The following EPHB2 variants were observed in gnomAD, a reference collection of about 807,000 sequenced individuals.
The protein encoded by EPHB2 is ephrin type-B receptor 2.
In EPHB2, 18 loss-of-function variants were observed where a neutral mutation model predicts 96.4. The ratio of observed to expected loss-of-function variants is 0.19; its 90% CI spans 0.13 to 0.28. The LOEUF (loss-of-function observed/expected upper bound fraction) is 0.28. Ranked by LOEUF, EPHB2 falls within the 10% of genes least tolerant of loss-of-function variation. EPHB2 has a pLI of 1.00. For synonymous variants in EPHB2, 506 were observed against 534.1 expected (o/e 0.95, Z 0.72); for missense variants, 989 against 1,355.4 (o/e 0.73, Z 4.25).
rs916713865 is a variant in EPHB2, at chr1:22,720,660, TCCCCCCCC to T, written c.61+9623_61+9630del. Among the ~76,000 whole-genome samples the T allele has an allele frequency of 1.7e-4, 10 of 57,380 alleles. 1 individual carries two copies. The highest frequency in any genetic ancestry group is 3.4e-4 in the Non-Finnish European group (10 of 29,550). 37.6% of individuals were successfully genotyped at this position (57,380 alleles called of 152,430 possible). On this transcript the variant is annotated intron_variant, in intron 1 of 15. Coordinates refer to ENST00000374630, the MANE Select transcript of EPHB2 (RefSeq NM_017449.5). Reference sequence around the variant, plus strand: ...GGCAACAGGAAGCCAGAAATCTCATTCCCCCCCCCCCCCGCCCCAGCACTTACCCCCGA... The same window carrying T: ...GGCAACAGGAAGCCAGAAATCTCATTCCCCCGCCCCAGCACTTACCCCCGA...
chr1:22,857,067 G>T (rs1406463071), intron 3 of EPHB2, among the ~76,000 whole-genome samples: 1 of 152,142 alleles, frequency 6.6e-6, no homozygotes. Flanking sequence ...CCCAACCAAG[G>T]TTCACCAACC....
In EPHB2 at chr1:22,831,098, G is replaced by A. The variant is rs553184889; in HGVS notation, c.812-31939G>A. On this transcript the variant is annotated intron_variant, in intron 3 of 15. Coordinates refer to ENST00000374630, the MANE Select transcript of EPHB2 (RefSeq NM_017449.5). Reference sequence around the variant, plus strand: ...ATGCCAGGCAGGCAGTAAACCCAGGGGCTCCCCAGATCAACCCAGCAGTAC... The same window carrying A: ...ATGCCAGGCAGGCAGTAAACCCAGGAGCTCCCCAGATCAACCCAGCAGTAC... 1.6e-4 allele frequency among the ~76,000 whole-genome samples: 25 copies of A among 152,162 alleles called. 1 individual carries two copies. Among genetic ancestry groups the A allele is most frequent in the Admixed American group, 5.2e-4 (8 of 15,282 alleles).
chr1:22,722,584 C>T (rs2148341043), intron 1 of EPHB2, among the ~76,000 whole-genome samples: 1 of 152,286 alleles, frequency 6.6e-6, no homozygotes, highest in East Asian at 1.9e-4. Context: ...CTGCATGATC[C>T]CTGTTTTCCA....
intron 1 of EPHB2, chr1:22,775,286 T>G: frequency 1.3e-6 from 1 of 779,198 alleles, no homozygotes; most frequent in Non-Finnish European, 2.4e-6. Flanking sequence ...GTCTGTGAAA[T>G]GGGGTTAATA....
Position 22,913,793 on chromosome 1 carries a change from A to G in EPHB2, c.*223A>G. The G allele has an allele frequency of 6.2e-7, 1 of 1,605,248 alleles. No individual in the cohort carries two copies. Among genetic ancestry groups the G allele is most frequent in the Non-Finnish European group, 8.5e-7 (1 of 1,173,876 alleles). On this transcript the variant is annotated 3_prime_UTR_variant, in exon 16 of 16. Transcript: ENST00000374630. This position sits in a 1 kb window ranked among gnomAD's most constrained non-coding sequence, Gnocchi z 4.1. ...GGGAAAAAAGAAAACAGATCCTGGG[A>G]GGGGGCGGGAAATACAAGGAATATT...
chr1:22,885,629 C>A (rs892839199), intron 6 of EPHB2, among the ~76,000 whole-genome samples: 8 of 152,340 alleles, frequency 5.3e-5, no homozygotes, highest in South Asian at 4.1e-4. Context: ...CCAAGAGGAT[C>A]CAGCAAGGAT....
chr1:22,857,597 A>G (rs913365678), intron 3 of EPHB2, among the ~76,000 whole-genome samples: 8 of 152,140 alleles, frequency 5.3e-5, no homozygotes, highest in Middle Eastern at 3.4e-3. Flanking sequence ...GCAGTTTGAA[A>G]ACCGAGATGC....
intron 3 of EPHB2, among the ~76,000 whole-genome samples, chr1:22,841,979 C>T (rs556039776): frequency 2.0e-5 from 3 of 152,240 alleles, no homozygotes; most frequent in South Asian, 2.1e-4. Context: ...TGCCAGGAGC[C>T]GGGCAAGATC....
rs150048020 is a variant in EPHB2, at chr1:22,856,327, C to A, written c.812-6710C>A. On this transcript the variant is annotated intron_variant, in intron 3 of 15. Coordinates refer to ENST00000374630, the MANE Select transcript of EPHB2 (RefSeq NM_017449.5). ...GCCCAGGGGCAGGCGGGGAGAAAAT[C>A]TGTTTCCCTGTAATCCTCCCTCCTT... is the stretch of plus-strand genomic sequence containing the variant. Among the ~76,000 whole-genome samples, 29 of 152,328 alleles carry A rather than the reference C, an allele frequency of 1.9e-4. No individual in the cohort carries two copies. In the East Asian group the frequency reaches 5.0e-3, roughly 26 times the overall value.
intron 3 of EPHB2, among the ~76,000 whole-genome samples, chr1:22,827,195 G>A (rs1017004810): frequency 1.3e-5 from 2 of 152,204 alleles, no homozygotes; most frequent in African/African-American, 4.8e-5. Context: ...CAGGCCACCT[G>A]CAGAGAGCCC....
At chr1:22,892,778 T>G in intron 6 of EPHB2, 106 bp from the exon 7 acceptor site, 1 of 1,388,956 alleles carries the variant, frequency 7.2e-7, no homozygotes. Flanking sequence ...ACCATAGATG[T>G]TTATCCAATG....
At chr1:22,908,209 G>A (rs964812407) in intron 12 of EPHB2, 41 bp downstream of exon 12, 2 of 1,610,686 alleles carry the variant, frequency 1.2e-6, no homozygotes, top group Non-Finnish European at 1.7e-6. Flanking sequence ...CAGAGCCAGA[G>A]AAGAGGGCAT....
intron 1 of EPHB2, among the ~76,000 whole-genome samples, chr1:22,726,937 AG>A (rs1643594919): frequency 6.6e-6 from 1 of 152,174 alleles, no homozygotes; most frequent in South Asian, 2.1e-4. Flanking sequence ...CATTCTTAGC[AG>A]GGGGAACAGC....
chr1:22,849,809 T>TC (rs1386428700), intron 3 of EPHB2, among the ~76,000 whole-genome samples: 1 of 152,138 alleles, frequency 6.6e-6, no homozygotes, highest in Non-Finnish European at 1.5e-5. Flanking sequence ...TGTCACTTTC[T>TC]CCACTGGCCT....
In EPHB2 at chr1:22,914,069, G is replaced by A; in HGVS notation, c.*499G>A. 1.5e-6 allele frequency: 1 copy of A among 658,886 alleles called. No individual in the cohort carries two copies. The highest frequency in any genetic ancestry group is 2.9e-5 in the East Asian group (1 of 34,564). 40.8% of individuals were successfully genotyped at this position (658,886 alleles called of 1,614,324 possible). ...CTCACTCAACAACCAAGCGCCTGGA[G>A]GACGGGACAGATGGACAGACAGCCA... On this transcript the variant is annotated 3_prime_UTR_variant, in exon 16 of 16. Coordinates refer to ENST00000374630, the MANE Select transcript of EPHB2 (RefSeq NM_017449.5).
intron 1 of EPHB2, among the ~76,000 whole-genome samples, chr1:22,748,663 A>C (rs1644013260): frequency 6.6e-6 from 1 of 151,662 alleles, no homozygotes; most frequent in Admixed American, 6.6e-5. Context: ...TACAGGCGTG[A>C]GCCACTGCGC....
intron 3 of EPHB2, among the ~76,000 whole-genome samples, chr1:22,844,116 A>G (rs1466787043): frequency 6.6e-6 from 1 of 152,092 alleles, no homozygotes; most frequent in African/African-American, 2.4e-5. Flanking sequence ...ATACATGTGC[A>G]TGTGTCTCTG....
chr1:22,878,857 G>A (rs570927658), intron 5 of EPHB2, among the ~76,000 whole-genome samples: 3 of 152,336 alleles, frequency 2.0e-5, no homozygotes, highest in South Asian at 2.1e-4. Context: ...GTAGGTGAGC[G>A]AGCACACCTG....
At chr1:22,910,628 T>G (rs1349257094) in intron 14 of EPHB2, 53 bp downstream of exon 14, 39 of 1,556,100 alleles carry the variant, frequency 2.5e-5, no homozygotes, top group Non-Finnish European at 3.3e-5. Flanking sequence ...TCTTCCCGTC[T>G]CCCATCCCTT....
Sources: gnomAD v4.1 joint callset for allele counts (sites outside exome capture counted in the v4.1 genomes callset) on GRCh38, gnomAD v4.1.1 for gene constraint, Gnocchi (gnomAD v3.1) non-coding constraint, MANE v1.5 for transcripts, NCBI Gene and HGNC (gene_info 2026-07-23, HGNC 2026-07-21) for gene names.